The following ITGA8 variants were observed in gnomAD, a reference collection of about 807,000 sequenced individuals.
The protein encoded by ITGA8 is integrin alpha-8.
In ITGA8, 91 loss-of-function variants were observed where a neutral mutation model predicts 142.3. That is an observed-to-expected ratio of 0.64 (90% CI 0.54 to 0.76). The LOEUF (loss-of-function observed/expected upper bound fraction) is 0.76. ITGA8 is among the 30% of genes least tolerant of loss of function. ITGA8 has a pLI of 0.00. For synonymous variants in ITGA8, 505 were observed against 485.2 expected (o/e 1.04, Z -0.54); for missense variants, 1,406 against 1,327.7 (o/e 1.06, Z -0.92).
At chr10:15,538,245 G>A (rs188362034) in intron 27 of ITGA8, among the ~76,000 whole-genome samples, 132 of 152,234 alleles carry the variant, frequency 8.7e-4, no homozygotes, top group Middle Eastern at 3.4e-3. Flanking sequence ...AGGTGCAGTG[G>A]CTCATGCCTG....
chr10:15,611,489 C>T (rs1323914274), intron 15 of ITGA8: 2 of 102,868 alleles, frequency 1.9e-5, no homozygotes, highest in Admixed American at 1.0e-4. Context: ...CCAAACAGAA[C>T]TCTTTTTTTT....
At chr10:15,585,848 A>G (rs1266814521) in intron 23 of ITGA8, among the ~76,000 whole-genome samples, 6 of 152,250 alleles carry the variant, frequency 3.9e-5, no homozygotes, top group East Asian at 1.9e-4. Flanking sequence ...TATAGATCCA[A>G]TCGACCCTTG....
intron 27 of ITGA8, among the ~76,000 whole-genome samples, chr10:15,538,334 G>A (rs1350980823): frequency 6.6e-6 from 1 of 152,030 alleles, no homozygotes; most frequent in Non-Finnish European, 1.5e-5. Flanking sequence ...CCAACATGGT[G>A]AAACTCCGTC....
chr10:15,639,505 G>A (rs1833832548), intron 13 of ITGA8, among the ~76,000 whole-genome samples: 1 of 152,178 alleles, frequency 6.6e-6, no homozygotes, highest in Admixed American at 6.5e-5. Context: ...CTGAGTCTCA[G>A]AGCCTCAGTG....
chr10:15,622,558 A>G (rs1833507994), intron 13 of ITGA8, among the ~76,000 whole-genome samples: 1 of 150,666 alleles, frequency 6.6e-6, no homozygotes, highest in African/African-American at 2.4e-5. Flanking sequence ...TTCAAAATCT[A>G]GACGACTTTT....
rs191107084 is a variant in ITGA8 at position 15,611,060 on chromosome 10, T to A, written c.1553+2600A>T. Among the ~76,000 whole-genome samples the A allele has an allele frequency of 1.3e-3, 205 of 152,320 alleles. 2 individuals carry two copies. Among genetic ancestry groups the A allele is most frequent in the African/African-American group, 4.7e-3 (194 of 41,570 alleles). On this transcript the variant is annotated intron_variant, in intron 15 of 29. Transcript: ENST00000378076. ...ATCCACATCGATGGAAGTGAAGAAC[T>A]ATTTGCCAAGTAGAGTTTATGTGAT...
intron 26 of ITGA8, among the ~76,000 whole-genome samples, chr10:15,553,543 G>A (rs1422640384): frequency 2.6e-5 from 4 of 152,134 alleles, no homozygotes; most frequent in Non-Finnish European, 5.9e-5. Context: ...CATTAAGTAC[G>A]TTCACAATGT....
At chr10:15,541,631 A>G (rs1833571893) in intron 27 of ITGA8, among the ~76,000 whole-genome samples, 1 of 152,206 alleles carries the variant, frequency 6.6e-6, no homozygotes, top group African/African-American at 2.4e-5. Flanking sequence ...TTAAAGCATT[A>G]TGAGTAGTAT....
In ITGA8 at chr10:15,531,052, C is replaced by T. The variant is rs192014812; in HGVS notation, c.2980G>A (p.Val994Ile). ...QPAKLPEGSI[V>I]IKTSVIWATP... ...TATATATATTTAAAGATACTCACTA[C>T]TATGCTTCCTTCTGGGAGTTTTGCT... The change falls in exon 28 of 30, where the codon GTA becomes ATA. Residue 994 changes from valine (V) to isoleucine (I), a missense_variant and splice_region_variant. Physicochemically the swap from Val to Ile is conservative, Grantham distance 29. Coordinates refer to ENST00000378076, the MANE Select transcript of ITGA8 (RefSeq NM_003638.3). 4 of 1,454,864 alleles carry T rather than the reference C, an allele frequency of 2.7e-6. No individual in the cohort carries two copies. The highest frequency in any genetic ancestry group is 1.4e-5 in the African/African-American group (1 of 70,470). 90.1% of individuals were successfully genotyped at this position (1,454,864 alleles called of 1,614,324 possible).
intron 3 of ITGA8, among the ~76,000 whole-genome samples, chr10:15,684,457 C>G (rs531085692): frequency 6.6e-6 from 1 of 152,150 alleles, no homozygotes; most frequent in East Asian, 1.9e-4. Flanking sequence ...GCCGCAACCT[C>G]CTGGGCTCAA....
In ITGA8 at chr10:15,671,607, C is replaced by T. The variant is rs910770615; in HGVS notation, c.843G>A (p.Gln281=). The part of the protein sequence containing the change: ...VAAGEFTGDS[Q]QELVAGIPRG... ...AAACTCAACAGTGCCTCTCACCTTG[C>T]TGAGAATCCCCAGTAAACTCCCCAG... The change falls in exon 8 of 30, where the codon CAG becomes CAA. Residue 281 remains glutamine (Q), a synonymous_variant. Transcript: ENST00000378076. 34 of 1,611,772 alleles carry T rather than the reference C, an allele frequency of 2.1e-5. No individual in the cohort carries two copies. The highest frequency in any genetic ancestry group is 2.5e-5 in the Non-Finnish European group (30 of 1,178,156).
intron 13 of ITGA8, 62 bp from the exon 14 acceptor site, chr10:15,616,621 A>G: frequency 2.1e-6 from 3 of 1,415,234 alleles, no homozygotes; most frequent in South Asian, 2.3e-5. Context: ...TACTAAGTTC[A>G]AAATCGTAAG....
intron 13 of ITGA8, among the ~76,000 whole-genome samples, chr10:15,617,386 G>A (rs1320431330): frequency 1.4e-5 from 2 of 144,332 alleles, no homozygotes; most frequent in African/African-American, 5.0e-5. Context: ...CTAACATAGA[G>A]GTCAAACTGT....
At chr10:15,613,499 C>T (rs949183288) in intron 15 of ITGA8, 161 bp downstream of exon 15, 65 of 651,406 alleles carry the variant, frequency 1.0e-4, no homozygotes, top group South Asian at 5.0e-4. Context: ...ACTCAAACTT[C>T]GGCCACAGAC....
At chr10:15,576,129 G>A (rs559318519) in intron 23 of ITGA8, among the ~76,000 whole-genome samples, 67 of 152,250 alleles carry the variant, frequency 4.4e-4, no homozygotes, top group African/African-American at 1.5e-3. Flanking sequence ...GAGTGGAAGA[G>A]TGGTCATTGT....
At chr10:15,719,021 T>G (rs918160994) in intron 1 of ITGA8, 122 bp from the exon 2 acceptor site, 1 of 1,412,546 alleles carries the variant, frequency 7.1e-7, no homozygotes, top group Non-Finnish European at 9.6e-7. Flanking sequence ...AACGTATTTA[T>G]GATGAGGACC....
chr10:15,646,939 T>C lies in ITGA8; in HGVS notation c.1114A>G (p.Arg372Gly), dbSNP rs1434201674. 4.3e-6 allele frequency: 7 copies of C among 1,613,970 alleles called. No individual in the cohort carries two copies. Among genetic ancestry groups the C allele is most frequent in the Middle Eastern group, 1.6e-4 (1 of 6,082 alleles). ...GTGCCAGTGAGGATCTGGGGGTCTC[T>C]GAAGAGGAGAGAGCTCACTTGCAAA... The part of the protein sequence containing the change: ...LYLQVSSLLF[R>G]DPQILTGTET... The change falls in exon 12 of 30, where the codon AGA (arginine) becomes GGA (glycine). Residue 372 changes from arginine to glycine, a missense_variant. Coordinates refer to ENST00000378076, the MANE Select transcript of ITGA8 (RefSeq NM_003638.3).
intron 27 of ITGA8, among the ~76,000 whole-genome samples, chr10:15,544,584 C>A (rs1450026369): frequency 6.6e-6 from 1 of 152,144 alleles, no homozygotes; most frequent in East Asian, 1.9e-4. Context: ...TAGAGAAAAA[C>A]AGGATTTACA....
At chr10:15,662,505 G>C (rs947705582) in intron 8 of ITGA8, among the ~76,000 whole-genome samples, 1 of 151,754 alleles carries the variant, frequency 6.6e-6, no homozygotes, top group South Asian at 2.1e-4. Context: ...TGCCTGGCTA[G>C]TTTTTGTATA....
Sources: gnomAD v4.1 joint callset for allele counts (sites outside exome capture counted in the v4.1 genomes callset) on GRCh38, gnomAD v4.1.1 for gene constraint, MANE v1.5 for transcripts, NCBI Gene and HGNC (gene_info 2026-07-23, HGNC 2026-07-21) for gene names.